ATF7IP: variants seen among roughly 807,000 people sequenced by gnomAD.
ATF7IP encodes activating transcription factor 7-interacting protein 1.
ATF7IP carries 23 observed loss-of-function variants against 106.4 expected under a neutral mutation model. The ratio of observed to expected loss-of-function variants is 0.22; its 90% confidence interval spans 0.16 to 0.31. The LOEUF is 0.31. Ranked by LOEUF, ATF7IP falls within the 10% of genes least tolerant of loss-of-function variation. The pLI is 1.00. For synonymous variants in ATF7IP, 542 were observed against 539.0 expected (o/e 1.01, Z -0.08); for missense variants, 1,334 against 1,524.3 (o/e 0.88, Z 2.08).
intron 1 of ATF7IP, among the ~76,000 whole-genome samples, chr12:14,392,415 T>C (rs1939609035): frequency 6.6e-6 from 1 of 152,128 alleles, no homozygotes; most frequent in East Asian, 1.9e-4. Context: ...TTGAAGAGTC[T>C]AAAGGGGACA....
At chr12:14,457,747 T>C (rs1012346189) in intron 8 of ATF7IP, among the ~76,000 whole-genome samples, 1 of 152,174 alleles carries the variant, frequency 6.6e-6, no homozygotes, top group African/African-American at 2.4e-5. Flanking sequence ...TCAGTCGAAA[T>C]GAAGTAGAAA....
chr12:14,402,877 C>CA (rs1472411410), intron 1 of ATF7IP, among the ~76,000 whole-genome samples: 5 of 152,172 alleles, frequency 3.3e-5, no homozygotes, highest in African/African-American at 9.7e-5. Flanking sequence ...GGATTACAGT[C>CA]ATGAGCCACA....
At chr12:14,429,922 C>G (rs143909508) in intron 2 of ATF7IP, among the ~76,000 whole-genome samples, 3 of 152,260 alleles carry the variant, frequency 2.0e-5, no homozygotes, top group African/African-American at 7.2e-5. Flanking sequence ...CAAATGAGTA[C>G]TGTTGTCCAA....
Position 14,487,472 on chromosome 12 carries a change from A to G in ATF7IP, c.3280+6287A>G, listed in dbSNP as rs975028228. 4.6e-5 allele frequency among the ~76,000 whole-genome samples: 7 copies of G among 152,206 alleles called. No individual in the cohort carries two copies. In the South Asian group the frequency reaches 1.0e-3, roughly 22 times the overall value. ...CCTGGCAACTGCCTCAGAGGAGGCC[A>G]TCACTGTTGCCTCACATATCACAGG... On this transcript the variant is annotated intron_variant, in intron 13 of 14. Transcript: ENST00000261168.
intron 1 of ATF7IP, among the ~76,000 whole-genome samples, chr12:14,422,312 TACACACACACACACACACACACAC>T (rs59503201): frequency 7.0e-6 from 1 of 142,234 alleles, no homozygotes; most frequent in Admixed American, 7.0e-5. Flanking sequence ...AAAAAGAGAA[TACACACACACACACACACACACAC>T]ACACACACAC....
rs1436654582 is a variant in ATF7IP at position 14,460,639 on chromosome 12, C to T, written c.2303C>T (p.Pro768Leu). The T allele has an allele frequency of 1.2e-6, 2 of 1,614,040 alleles. No homozygotes were observed. The highest frequency in any genetic ancestry group is 1.7e-6 in the Non-Finnish European group (2 of 1,180,036). The change falls in exon 9 of 15, where the codon CCT becomes CTT. Residue 768 changes from proline (P) to leucine (L), a missense_variant. Physicochemically the swap from Pro to Leu is moderately conservative, Grantham distance 98. Around this residue, in one of 10 missense-constraint regions of ATF7IP, gnomAD observed 171 missense variants for 172.6 expected, o/e 0.99. Coordinates refer to ENST00000261168, the MANE Select transcript of ATF7IP (RefSeq NM_018179.5). ...TATVVATTQVPSGNPQPTISL... is the reference protein window; with the variant it reads ...TATVVATTQVLSGNPQPTISL... ...ACTGTAGTTGCTACTACTCAGGTGC[C>T]TAGTGGAAATCCCCAGCCTACAATC...
In ATF7IP at chr12:14,460,655, G is replaced by C; in HGVS notation, c.2319G>C (p.Gln773His). 3 of 1,614,132 alleles carry C rather than the reference G, an allele frequency of 1.9e-6. No homozygotes were observed. Among genetic ancestry groups the C allele is most frequent in the Non-Finnish European group, 2.5e-6 (3 of 1,180,008 alleles). Residue 773 changes from glutamine to histidine, a missense_variant, in exon 9 of 15, where the codon CAG (glutamine) becomes CAC (histidine). This residue lies in a region of ATF7IP where 171 missense variants were observed against 172.6 expected (regional missense o/e 0.99). Coordinates refer to ENST00000261168, the MANE Select transcript of ATF7IP (RefSeq NM_018179.5). ...ATTQVPSGNP[Q>H]PTISLQPLPV... ...CTCAGGTGCCTAGTGGAAATCCCCAGCCTACAATCTCTTTACAGCCTTTGC... is the reference window on the plus strand; with the variant it reads ...CTCAGGTGCCTAGTGGAAATCCCCACCCTACAATCTCTTTACAGCCTTTGC...
At chr12:14,383,673 C>A (rs921969339) in intron 1 of ATF7IP, among the ~76,000 whole-genome samples, 2 of 152,160 alleles carry the variant, frequency 1.3e-5, no homozygotes, top group Admixed American at 6.5e-5. Flanking sequence ...CTGCATCAGC[C>A]TCTTGAGTAG....
intron 1 of ATF7IP, among the ~76,000 whole-genome samples, chr12:14,382,814 G>A (rs1364596869): frequency 6.6e-6 from 1 of 152,154 alleles, no homozygotes; most frequent in Non-Finnish European, 1.5e-5. Flanking sequence ...TAATGAAATG[G>A]TGGTAAGTAT....
At chr12:14,456,707 T>C in intron 7 of ATF7IP, 73 bp downstream of exon 7, 1 of 1,102,928 alleles carries the variant, frequency 9.1e-7, no homozygotes, top group Non-Finnish European at 1.4e-6. Flanking sequence ...TCAAAGAATC[T>C]TGCAGTGTAA....
Position 14,424,632 on chromosome 12 carries a change from G to A in ATF7IP, c.717G>A (p.Leu239=). 6.2e-7 allele frequency: 1 copy of A among 1,613,926 alleles called. No homozygotes were observed. Among genetic ancestry groups the A allele is most frequent in the African/African-American group, 1.3e-5 (1 of 74,920 alleles). Residue 239 remains leucine (L), a synonymous_variant, in exon 2 of 15, where the codon CTG becomes CTA. Coordinates refer to ENST00000261168, the MANE Select transcript of ATF7IP (RefSeq NM_018179.5). ...CTAGTGAAATAACTTCTGTTGATCT[G>A]GCTTCTGGAGCACCAGCTTCCACTG... ...IASSEITSVD[L]ASGAPASTDP...
intron 5 of ATF7IP, among the ~76,000 whole-genome samples, chr12:14,438,570 G>A (rs1942533084): frequency 6.6e-6 from 1 of 152,156 alleles, no homozygotes; most frequent in Admixed American, 6.5e-5. Context: ...CTTTACTGTA[G>A]CTTCTGTTGG....
At chr12:14,409,741 A>G (rs1282504678) in intron 1 of ATF7IP, among the ~76,000 whole-genome samples, 1 of 152,094 alleles carries the variant, frequency 6.6e-6, no homozygotes, top group Non-Finnish European at 1.5e-5. Flanking sequence ...CCACCAATAT[A>G]ATCACAGATA....
At chr12:14,383,466 C>T (rs1041210605) in intron 1 of ATF7IP, among the ~76,000 whole-genome samples, 1 of 152,122 alleles carries the variant, frequency 6.6e-6, no homozygotes, top group African/African-American at 2.4e-5. Flanking sequence ...CATCTTTCCC[C>T]ACCCCCCAAT....
At chr12:14,471,936 T>C (rs1011860649) in intron 10 of ATF7IP, among the ~76,000 whole-genome samples, 2 of 152,174 alleles carry the variant, frequency 1.3e-5, no homozygotes, top group Non-Finnish European at 2.9e-5. Flanking sequence ...GTTTAAGAAA[T>C]GATCATTGGA....
chr12:14,429,083 T>C (rs1942004593), intron 2 of ATF7IP, among the ~76,000 whole-genome samples: 1 of 152,198 alleles, frequency 6.6e-6, no homozygotes, highest in African/African-American at 2.4e-5. Context: ...TTAGTGCCAT[T>C]CTTCAAGTTA....
At chr12:14,469,626 T>G (rs1943965208) in intron 10 of ATF7IP, among the ~76,000 whole-genome samples, 1 of 152,154 alleles carries the variant, frequency 6.6e-6, no homozygotes. Context: ...AGCTATAAAA[T>G]AGTGTTGCTA....
chr12:14,471,148 G>T (rs1944026990), intron 10 of ATF7IP, among the ~76,000 whole-genome samples: 1 of 152,092 alleles, frequency 6.6e-6, no homozygotes, highest in Non-Finnish European at 1.5e-5. Flanking sequence ...AATATCCTCT[G>T]TATGACTTTG....
chr12:14,418,707 ACTTC>A (rs1414088138), intron 1 of ATF7IP, among the ~76,000 whole-genome samples: 4 of 152,168 alleles, frequency 2.6e-5, no homozygotes, highest in East Asian at 1.9e-4. Flanking sequence ...TGTTCGTGTT[ACTTC>A]CTTATTGCTT....
Sources: allele counts gnomAD v4.1 joint callset (sites outside exome capture counted in the v4.1 genomes callset), GRCh38; gene constraint gnomAD v4.1.1; regional missense constraint gnomAD v4.1.1; transcripts MANE v1.5; gene names NCBI Gene and HGNC (gene_info 2026-07-23, HGNC 2026-07-21).